The following SPATA16 variants were observed in gnomAD, a reference collection of about 807,000 sequenced individuals.
The protein encoded by SPATA16 is spermatogenesis-associated protein 16.
A neutral mutation model predicts 63.3 loss-of-function variants in SPATA16; 36 were observed. The observed-to-expected ratio is 0.57, with a 90% confidence interval of 0.44 to 0.75. The LOEUF (loss-of-function observed/expected upper bound fraction) is 0.75, where lower values mean the gene tolerates loss of function less well. Among genes scored for constraint, SPATA16 ranks in the 30% least tolerant of loss-of-function variants. The pLI, the probability that SPATA16 is intolerant of heterozygous loss-of-function variation, is 0.00. For synonymous variants in SPATA16, 203 were observed against 216.7 expected (o/e 0.94, Z 0.56); for missense variants, 646 against 679.3 (o/e 0.95, Z 0.54).
At chr3:173,120,177 G>A (rs1349306807) in intron 1 of SPATA16, among the ~76,000 whole-genome samples, 2 of 151,952 alleles carry the variant, frequency 1.3e-5, no homozygotes, top group African/African-American at 4.8e-5. Flanking sequence ...TCATTAGCAA[G>A]AGTGGCATGG....
rs777130304 is a variant in SPATA16, at chr3:173,117,760, G to T, written c.-18-11C>A. 15 of 1,613,794 alleles carry T rather than the reference G, an allele frequency of 9.3e-6. No individual in the cohort carries two copies. In the African/African-American group the frequency reaches 1.2e-4, roughly 13 times the overall value. ...TCCTGCCCAAAACTCCTGCAGGGGG[G>T]AGAAAAAGGAAAGTAATTAAGGCAA... On this transcript the variant is annotated splice_polypyrimidine_tract_variant and intron_variant, in intron 1 of 10. Transcript: ENST00000351008.
At chr3:172,988,386 G>C (rs1049938051) in intron 4 of SPATA16, among the ~76,000 whole-genome samples, 3 of 152,182 alleles carry the variant, frequency 2.0e-5, no homozygotes, top group Non-Finnish European at 4.4e-5. Flanking sequence ...AGTCACTCTT[G>C]TAAATTTTAG....
In SPATA16 at chr3:172,977,043, C is replaced by G; in HGVS notation, c.858G>C (p.Met286Ile). 1 of 1,609,552 alleles carries G rather than the reference C, an allele frequency of 6.2e-7. No homozygotes were observed. The highest frequency in any genetic ancestry group is 8.5e-7 in the Non-Finnish European group (1 of 1,179,016). The change falls in exon 5 of 11, where the codon ATG becomes ATC. Residue 286 changes from methionine to isoleucine, a missense_variant. By Grantham distance (10) the Met-to-Ile change is conservative (BLOSUM62 1). Coordinates refer to ENST00000351008, the MANE Select transcript of SPATA16 (RefSeq NM_031955.6). ...CAAGCCAGAACATGTAGTCAGCAAT[C>G]ATGGCACTCCTAAGAACAAGGACAG... is the stretch of plus-strand genomic sequence containing the variant. ...ERYSEAARSAMIADYMFWLGG... is the reference protein window; with the variant it reads ...ERYSEAARSAIIADYMFWLGG...
At chr3:172,914,348 C>T (rs9833120) in intron 9 of SPATA16, among the ~76,000 whole-genome samples, 4,171 of 152,126 alleles carry the variant, frequency 0.027, 200 homozygotes, top group African/African-American at 0.096. Flanking sequence ...TGAAAGTATC[C>T]TGTACACATG....
intron 4 of SPATA16, among the ~76,000 whole-genome samples, chr3:172,985,931 G>A (rs977054835): frequency 2.0e-5 from 3 of 152,164 alleles, no homozygotes; most frequent in African/African-American, 7.2e-5. Flanking sequence ...AAGAGTTTTT[G>A]GAGGGAGGTA....
At chr3:173,102,799 C>T (rs1177891622) in intron 2 of SPATA16, among the ~76,000 whole-genome samples, 1 of 152,146 alleles carries the variant, frequency 6.6e-6, no homozygotes, top group Non-Finnish European at 1.5e-5. Context: ...CCCTCAAAGT[C>T]TTAACTCATT....
chr3:173,015,861 G>GGTGTGTGT (rs57049586), intron 4 of SPATA16, among the ~76,000 whole-genome samples: 1 of 148,750 alleles, frequency 6.7e-6, no homozygotes, highest in African/African-American at 2.5e-5. Context: ...TCCCAAATGG[G>GGTGTGTGT]GTGTGTGTGT....
chr3:173,129,060 G>A (rs542244765), intron 1 of SPATA16, among the ~76,000 whole-genome samples: 7 of 152,348 alleles, frequency 4.6e-5, no homozygotes, highest in South Asian at 2.1e-4. Flanking sequence ...TTATAAGAAC[G>A]AATTATTGGT....
At chr3:172,966,559 T>C (rs1260536028) in intron 5 of SPATA16, among the ~76,000 whole-genome samples, 2 of 152,116 alleles carry the variant, frequency 1.3e-5, no homozygotes, top group African/African-American at 2.4e-5. Context: ...TCATGCCACA[T>C]GTTAAAGGCT....
At chr3:172,938,062 A>T (rs1733050839) in intron 6 of SPATA16, among the ~76,000 whole-genome samples, 2 of 152,248 alleles carry the variant, frequency 1.3e-5, no homozygotes, top group African/African-American at 4.8e-5. Context: ...GATTGGCTTC[A>T]TAATAAGCAG....
In SPATA16 at chr3:172,935,804, A is replaced by G. The variant is rs368273671; in HGVS notation, c.1082-10312T>C. 6.5e-4 allele frequency among the ~76,000 whole-genome samples: 99 copies of G among 152,308 alleles called. 1 individual carries two copies. Among genetic ancestry groups the G allele is most frequent in the African/African-American group, 2.2e-3 (93 of 41,562 alleles). ...TTTTTTTCCTCTGGGAATTTTCACT[A>G]TAGGCATGTGGGTTAAGGTTTGAGT... On this transcript the variant is annotated intron_variant, in intron 6 of 10. Transcript: ENST00000351008.
At chr3:173,051,527 G>A (rs925534861) in intron 2 of SPATA16, among the ~76,000 whole-genome samples, 1 of 151,884 alleles carries the variant, frequency 6.6e-6, no homozygotes, top group African/African-American at 2.4e-5. Context: ...GTACAGATGG[G>A]GTTTCACCAT....
At chr3:173,100,851 A>C (rs928464367) in intron 2 of SPATA16, among the ~76,000 whole-genome samples, 2 of 152,204 alleles carry the variant, frequency 1.3e-5, no homozygotes, top group African/African-American at 4.8e-5. Flanking sequence ...ATTACTTAGT[A>C]ATGTTTCAAA....
At chr3:173,123,259 T>C (rs1320356502) in intron 1 of SPATA16, among the ~76,000 whole-genome samples, 2 of 152,212 alleles carry the variant, frequency 1.3e-5, no homozygotes, top group Non-Finnish European at 2.9e-5. Flanking sequence ...AACAACTCTT[T>C]TGCATAAATA....
intron 3 of SPATA16, among the ~76,000 whole-genome samples, chr3:173,028,558 A>G (rs1474666595): frequency 6.6e-6 from 1 of 151,990 alleles, no homozygotes; most frequent in African/African-American, 2.4e-5. Flanking sequence ...TGATGACGTA[A>G]GCAAAATTTA....
intron 3 of SPATA16, among the ~76,000 whole-genome samples, chr3:173,025,999 G>A (rs1436492646): frequency 6.6e-6 from 1 of 151,934 alleles, no homozygotes; most frequent in East Asian, 1.9e-4. Context: ...ACTCCTAAAC[G>A]TCTTTCCAAA....
At position 173,085,444 on chromosome 3, in the gene SPATA16, C is replaced by T. The variant is rs148077493; in HGVS notation, c.612+31676G>A. ...TGATGGGGTTTTCTAATTATAAAATCATGTCATCTGTAAACAGAGACAATT... is the reference window on the plus strand; with the variant it reads ...TGATGGGGTTTTCTAATTATAAAATTATGTCATCTGTAAACAGAGACAATT... On this transcript the variant is annotated intron_variant, in intron 2 of 10. Transcript: ENST00000351008. Among the ~76,000 whole-genome samples, 1,228 of 152,186 alleles carry T rather than the reference C, an allele frequency of 8.1e-3. 22 individuals carry two copies. The highest frequency in any genetic ancestry group is 0.028 in the African/African-American group (1,175 of 41,538).
chr3:172,990,467 A>G (rs898622135), intron 4 of SPATA16, among the ~76,000 whole-genome samples: 1 of 152,192 alleles, frequency 6.6e-6, no homozygotes, highest in Non-Finnish European at 1.5e-5. Context: ...AACCAACTAT[A>G]ATACATAAAC....
At chr3:173,126,234 T>C (rs1029721911) in intron 1 of SPATA16, among the ~76,000 whole-genome samples, 1 of 152,228 alleles carries the variant, frequency 6.6e-6, no homozygotes, top group Admixed American at 6.5e-5. Flanking sequence ...GAAGTGATAA[T>C]TGTACAACTT....
Sources: gnomAD v4.1 joint callset for allele counts (sites outside exome capture counted in the v4.1 genomes callset) on GRCh38, gnomAD v4.1.1 for gene constraint, MANE v1.5 for transcripts, NCBI Gene and HGNC (gene_info 2026-07-23, HGNC 2026-07-21) for gene names.